Variants in CDH23 observed in about 807,000 individuals in gnomAD.
The protein encoded by CDH23 is cadherin related 23.
Under a neutral mutation model 317.1 loss-of-function variants are expected in CDH23, and 189 were observed. The ratio of observed to expected loss-of-function variants is 0.60; its 90% CI spans 0.53 to 0.67. CDH23 has a LOEUF of 0.67. Among genes scored for constraint, CDH23 ranks in the 30% least tolerant of loss-of-function variants. CDH23 has a pLI of 0.00. For synonymous variants in CDH23, 1,839 were observed against 1,876.8 expected, an observed-to-expected ratio of 0.98 and a Z score of 0.52; for missense variants, 4,401 against 4,592.4, an observed-to-expected ratio of 0.96 and a Z score of 1.20.
intron 6 of CDH23, among the ~76,000 whole-genome samples, chr10:71,563,631 G>A (rs1274072490): frequency 6.6e-6 from 1 of 152,134 alleles, no homozygotes; most frequent in Non-Finnish European, 1.5e-5. Context: ...TATTACTATA[G>A]TAATAAGTGC....
At chr10:71,642,803 G>T (rs1181465349) in intron 11 of CDH23, among the ~76,000 whole-genome samples, 1 of 152,164 alleles carries the variant, frequency 6.6e-6, no homozygotes, top group African/African-American at 2.4e-5. Flanking sequence ...GGCTGGAGGG[G>T]CCCGTGGGAG....
intron 6 of CDH23, among the ~76,000 whole-genome samples, chr10:71,555,470 T>C (rs1235606894): frequency 6.6e-6 from 1 of 152,244 alleles, no homozygotes. Context: ...CTTTGACTCT[T>C]GATCCTTTGT....
Position 71,702,559 on chromosome 10 carries a change from C to G in CDH23, c.2598C>G (p.Pro866=), listed in dbSNP as rs2132733015. The part of the protein sequence containing the change: ...IVVSVTDCGR[P]PLKATSSATV... ...CCCTGGTCTTCCCAGGTGGCAGGCC[C>G]CCTCTGAAAGCCACCAGCAGTGCCA... The change falls in exon 24 of 70, where the codon CCC becomes CCG. Residue 866 remains proline, a synonymous_variant. Transcript: ENST00000224721. 1 of 1,613,972 alleles carries G rather than the reference C, an allele frequency of 6.2e-7. No homozygotes were observed. Among genetic ancestry groups the G allele is most frequent in the African/African-American group, 1.3e-5 (1 of 75,056 alleles).
At chr10:71,541,533 G>A (rs534238005) in intron 6 of CDH23, among the ~76,000 whole-genome samples, 2 of 152,386 alleles carry the variant, frequency 1.3e-5, no homozygotes, top group Admixed American at 1.3e-4. Flanking sequence ...ACTGTGGAGA[G>A]TGTGCGTGCT....
chr10:71,646,341 A>G (rs1862857154), intron 13 of CDH23, 118 bp from the exon 14 acceptor site: 4 of 1,474,836 alleles, frequency 2.7e-6, no homozygotes, highest in Non-Finnish European at 3.7e-6. Context: ...GGATGGGCAG[A>G]GACTCTAACA....
intron 47 of CDH23, among the ~76,000 whole-genome samples, chr10:71,792,795 C>G (rs1439122716): frequency 7.7e-6 from 1 of 130,410 alleles, no homozygotes; most frequent in African/African-American, 2.9e-5. Context: ...GCACTCCAGC[C>G]TAGGTGACAG....
chr10:71,773,457 A>T, intron 38 of CDH23: 1 of 1,580,752 alleles, frequency 6.3e-7, no homozygotes, highest in Non-Finnish European at 8.6e-7. Context: ...TCGGACGCGC[A>T]GAGGAACTTC....
chr10:71,512,496 C>T (rs531017959), intron 6 of CDH23, among the ~76,000 whole-genome samples: 1 of 152,346 alleles, frequency 6.6e-6, no homozygotes, highest in African/African-American at 2.4e-5. Context: ...TTAAGGGTCT[C>T]TACGTGCCAG....
chr10:71,570,165 C>A (rs1400418996), intron 7 of CDH23, among the ~76,000 whole-genome samples: 1 of 152,116 alleles, frequency 6.6e-6, no homozygotes, highest in East Asian at 1.9e-4. Flanking sequence ...CCCCAGATGT[C>A]ACAGACCCTG....
At chr10:71,734,532 C>T in intron 33 of CDH23, 124 bp from the exon 34 acceptor site, 6 of 1,603,542 alleles carry the variant, frequency 3.7e-6, no homozygotes, top group Non-Finnish European at 5.1e-6. Flanking sequence ...AGACCTCAGG[C>T]AGGTGGAGGG....
At chr10:71,753,097 G>C in intron 38 of CDH23, 1 of 1,477,302 alleles carries the variant, frequency 6.8e-7, no homozygotes, top group Non-Finnish European at 9.3e-7. Flanking sequence ...CAGGGAACAG[G>C]AGCGAGCCCA....
At chr10:71,674,809 A>G (rs770889153) in intron 14 of CDH23, among the ~76,000 whole-genome samples, 2 of 152,260 alleles carry the variant, frequency 1.3e-5, no homozygotes, top group Non-Finnish European at 2.9e-5. Context: ...CCAAGCCACA[A>G]AAGCCAAACC....
intron 32 of CDH23, 59 bp from the exon 33 acceptor site, chr10:71,734,181 T>C: frequency 3.5e-6 from 5 of 1,409,892 alleles, no homozygotes; most frequent in Non-Finnish European, 4.9e-6. Flanking sequence ...GTGGGCAGAA[T>C]GACCAGGGTT....
At chr10:71,640,245 C>A (rs1190339933) in intron 11 of CDH23, among the ~76,000 whole-genome samples, 1 of 152,348 alleles carries the variant, frequency 6.6e-6, no homozygotes, top group East Asian at 1.9e-4. Flanking sequence ...TTCAGTCCCT[C>A]ACTGTTGACC....
intron 14 of CDH23, among the ~76,000 whole-genome samples, chr10:71,656,236 G>A (rs912103315): frequency 1.1e-4 from 17 of 152,304 alleles, no homozygotes; most frequent in African/African-American, 2.9e-4. Flanking sequence ...CAAGGTCAAC[G>A]CTGAAATCTG....
chr10:71,687,513 T>A, intron 18 of CDH23, 134 bp from the exon 19 acceptor site: 1 of 750,288 alleles, frequency 1.3e-6, no homozygotes, highest in Non-Finnish European at 2.4e-6. Flanking sequence ...CTCACCTGGC[T>A]CTGGTTATAC....
chr10:71,690,355 G>A (rs1040136038), intron 19 of CDH23, 113 bp from the exon 20 acceptor site: 4 of 675,558 alleles, frequency 5.9e-6, no homozygotes, highest in African/African-American at 1.8e-5. Context: ...TCACTGGGAG[G>A]GTCCCACGTC....
chr10:71,690,425 A>G, intron 19 of CDH23, 43 bp from the exon 20 acceptor site: 1 of 1,455,254 alleles, frequency 6.9e-7, no homozygotes. Context: ...CCAGGGGCCC[A>G]GGGTGAGCAG....
In CDH23 at chr10:71,511,199, T is replaced by C; in HGVS notation, c.416T>C (p.Val139Ala). ...APTFHNQPYSVRIPENTPVGT... is the reference protein window; with the variant it reads ...APTFHNQPYSARIPENTPVGT... ...ACATTTCACAATCAGCCCTACAGCGTCCGCATCCCTGAGGTAGGAGCCACT... is the reference window on the plus strand; with the variant it reads ...ACATTTCACAATCAGCCCTACAGCGCCCGCATCCCTGAGGTAGGAGCCACT... Residue 139 changes from valine to alanine, a missense_variant, in exon 6 of 70, where the codon GTC becomes GCC. Transcript: ENST00000224721. 1 of 1,613,468 alleles carries C rather than the reference T, an allele frequency of 6.2e-7. No homozygotes were observed. The highest frequency in any genetic ancestry group is 8.5e-7 in the Non-Finnish European group (1 of 1,179,552).
Sources: gnomAD v4.1 joint callset for allele counts (sites outside exome capture counted in the v4.1 genomes callset) on GRCh38, gnomAD v4.1.1 for gene constraint, MANE v1.5 for transcripts, NCBI Gene and HGNC (gene_info 2026-07-23, HGNC 2026-07-21) for gene names.